Variants in WNK2 observed in about 807,000 individuals in gnomAD.
The protein encoded by WNK2 is WNK lysine deficient protein kinase 2.
WNK2 carries 67 observed loss-of-function variants against 192.1 expected under a neutral mutation model. The observed-to-expected ratio is 0.35, with a 90% CI of 0.29 to 0.43. WNK2 has a LOEUF of 0.43. Ranked by LOEUF, WNK2 falls within the 20% of genes least tolerant of loss-of-function variation. WNK2 has a pLI of 1.00. For missense variants in WNK2, 2,698 were observed against 3,089.7 expected, an observed-to-expected ratio of 0.87 and a Z score of 3.01; for synonymous variants, 1,439 against 1,393.9, an observed-to-expected ratio of 1.03 and a Z score of -0.72.
chr9:93,189,571 AGT>A (rs1191723794), intron 2 of WNK2, among the ~76,000 whole-genome samples: 2 of 152,140 alleles, frequency 1.3e-5, no homozygotes, highest in African/African-American at 4.8e-5. Context: ...TGGGTCTGGG[AGT>A]GGATGATGCC....
chr9:93,252,963 T>A lies in WNK2; in HGVS notation c.1915T>A (p.Ser639Thr). ...CAGCCAGCAGAGCGTGATGCTTGGC[T>A]CCCTTGCCGACGCAGCGCCGTCCCC... ...QSSQQSVMLG[S>T]LADAAPSPAQ... is the part of the protein sequence containing the mutation. Residue 639 changes from serine (S) to threonine (T), a missense_variant, in exon 9 of 30, where the codon TCC (serine) becomes ACC (threonine). Physicochemically the swap from Ser to Thr is moderately conservative, Grantham distance 58. Transcript: ENST00000427277. 1 of 1,576,512 alleles carries A rather than the reference T, an allele frequency of 6.3e-7. No homozygotes were observed. The highest frequency in any genetic ancestry group is 8.6e-7 in the Non-Finnish European group (1 of 1,162,298).
At chr9:93,250,841 G>T (rs1842498591) in intron 8 of WNK2, among the ~76,000 whole-genome samples, 1 of 147,032 alleles carries the variant, frequency 6.8e-6, no homozygotes, top group South Asian at 2.1e-4. Context: ...CTGGAGTGTG[G>T]TGGCGCAATC....
intron 7 of WNK2, among the ~76,000 whole-genome samples, chr9:93,242,486 C>G (rs1056139748): frequency 6.6e-6 from 1 of 152,224 alleles, no homozygotes; most frequent in African/African-American, 2.4e-5. Flanking sequence ...AGATAATTAC[C>G]AGCACATCTG....
chr9:93,209,324 C>T (rs1214340496), intron 2 of WNK2, among the ~76,000 whole-genome samples: 4 of 152,202 alleles, frequency 2.6e-5, no homozygotes, highest in African/African-American at 9.6e-5. Flanking sequence ...TCTGTGCCTG[C>T]TCCCCATCTC....
At chr9:93,317,931 C>T in intron 29 of WNK2, 7 of 1,604,852 alleles carry the variant, frequency 4.4e-6, no homozygotes, top group African/African-American at 4.0e-5. Flanking sequence ...GAGTCCCCCC[C>T]ACCGCCTGCT....
intron 2 of WNK2, among the ~76,000 whole-genome samples, chr9:93,222,178 C>T (rs949946613): frequency 6.6e-6 from 1 of 151,958 alleles, no homozygotes; most frequent in Non-Finnish European, 1.5e-5. Context: ...CTTCCCACCC[C>T]CTTTTTTTGA....
At chr9:93,197,563 G>T (rs908942664) in intron 2 of WNK2, among the ~76,000 whole-genome samples, 1 of 152,112 alleles carries the variant, frequency 6.6e-6, no homozygotes, top group Non-Finnish European at 1.5e-5. Context: ...GTCTTGCTCT[G>T]TCTCCTAGAC....
chr9:93,266,101 C>T (rs1845121985), intron 16 of WNK2, among the ~76,000 whole-genome samples: 1 of 152,246 alleles, frequency 6.6e-6, no homozygotes, highest in Non-Finnish European at 1.5e-5. Context: ...CTCCTCCTCA[C>T]AGCCCATTCC....
At chr9:93,262,543 C>G (rs1844451845) in intron 13 of WNK2, 127 bp from the exon 14 acceptor site, 3 of 994,628 alleles carry the variant, frequency 3.0e-6, no homozygotes, top group African/African-American at 3.2e-5. Context: ...CAGAAGAGAG[C>G]AGGAGAACGC....
chr9:93,255,233 G>T (rs1040779207), intron 9 of WNK2, among the ~76,000 whole-genome samples: 1 of 152,194 alleles, frequency 6.6e-6, no homozygotes, highest in Non-Finnish European at 1.5e-5. Context: ...GGTTGCCATG[G>T]TGATGTGTCT....
Position 93,241,747 on chromosome 9 carries a change from A to G in WNK2, c.1542+1771A>G, listed in dbSNP as rs929282984. 5.9e-5 allele frequency among the ~76,000 whole-genome samples: 9 copies of G among 152,158 alleles called. No homozygotes were observed. The East Asian group carries it at 1.7e-3, about 29-fold the overall frequency. ...TGTCACAGACTCTGCTCCTCCTGGCAGCTCCTTGTCCATGGGGGCACTGGT... is the reference window on the plus strand; with the variant it reads ...TGTCACAGACTCTGCTCCTCCTGGCGGCTCCTTGTCCATGGGGGCACTGGT... On this transcript the variant is annotated intron_variant, in intron 7 of 29. Transcript: ENST00000427277.
At chr9:93,216,061 G>T (rs554520337) in intron 2 of WNK2, among the ~76,000 whole-genome samples, 79 of 152,292 alleles carry the variant, frequency 5.2e-4, no homozygotes, top group African/African-American at 1.8e-3. Context: ...TGTGAGGGCT[G>T]GTTGGTCTGT....
chr9:93,275,717 C>G (rs778785466), intron 19 of WNK2, among the ~76,000 whole-genome samples: 5 of 152,238 alleles, frequency 3.3e-5, no homozygotes, highest in Non-Finnish European at 5.9e-5. Flanking sequence ...ATGGATTCTA[C>G]AGCAACAACT....
At chr9:93,207,885 G>A (rs900503075) in intron 2 of WNK2, among the ~76,000 whole-genome samples, 1 of 152,206 alleles carries the variant, frequency 6.6e-6, no homozygotes, top group African/African-American at 2.4e-5. Context: ...CACAGCCACC[G>A]TTCTCGTTCA....
At chr9:93,227,972 C>T (rs1212991771) in intron 2 of WNK2, among the ~76,000 whole-genome samples, 2 of 152,190 alleles carry the variant, frequency 1.3e-5, no homozygotes, top group African/African-American at 2.4e-5. Flanking sequence ...AGCTCTTTCT[C>T]GAATGTTCCT....
At chr9:93,302,954 T>C (rs1316071284) in intron 26 of WNK2, among the ~76,000 whole-genome samples, 1 of 151,686 alleles carries the variant, frequency 6.6e-6, no homozygotes, top group Non-Finnish European at 1.5e-5. Context: ...AGTCTGGCTC[T>C]GTTACCCAGA....
intron 16 of WNK2, among the ~76,000 whole-genome samples, chr9:93,264,243 A>G (rs1844811725): frequency 1.3e-5 from 2 of 152,130 alleles, no homozygotes. Flanking sequence ...AGCTTGAAGG[A>G]TGTTCTAACC....
At position 93,292,866 on chromosome 9, in the gene WNK2, G is replaced by A. The variant is rs376742916; in HGVS notation, c.5401G>A (p.Val1801Met). The A allele has an allele frequency of 1.4e-5, 21 of 1,496,850 alleles. 1 individual carries two copies. The highest frequency in any genetic ancestry group is 1.2e-4 in the South Asian group (9 of 76,418). The allele number at this position is 1,496,850 out of a possible 1,614,324, so 92.7% of individuals were successfully genotyped here. A position where few individuals can be genotyped will look rare whatever the true frequency, so the allele number is the denominator to read the frequency against. Residue 1801 changes from valine to methionine, a missense_variant, in exon 23 of 30, where the codon GTG becomes ATG. By Grantham distance (21) the Val-to-Met change is conservative. This residue lies in a region of WNK2 where 1,098 missense variants were observed against 1,101.0 expected (regional missense o/e 1.00). Transcript: ENST00000427277. ...AQTASSIEVGVGEPVSSDSGD... is the reference protein window; with the variant it reads ...AQTASSIEVGMGEPVSSDSGD... Reference sequence around the variant, plus strand: ...GACGGCCTCCTCCATCGAGGTCGGCGTGGGCGAGCCCGTGTCCAGCGACTC... The same window carrying A: ...GACGGCCTCCTCCATCGAGGTCGGCATGGGCGAGCCCGTGTCCAGCGACTC...
intron 29 of WNK2, chr9:93,317,903 AGGTG>A: frequency 6.3e-7 from 1 of 1,590,752 alleles, no homozygotes; most frequent in Non-Finnish European, 8.6e-7. Flanking sequence ...CGGAGAAACC[AGGTG>A]TGGTTTGGCC....
Sources: allele counts gnomAD v4.1 joint callset (sites outside exome capture counted in the v4.1 genomes callset), GRCh38; gene constraint gnomAD v4.1.1; regional missense constraint gnomAD v4.1.1; transcripts MANE v1.5; gene names NCBI Gene and HGNC (gene_info 2026-07-23, HGNC 2026-07-21).